MYO16: variants seen among roughly 807,000 people sequenced by gnomAD.
The protein encoded by MYO16 is unconventional myosin-XVI.
Under a neutral mutation model 205.3 loss-of-function variants are expected in MYO16, and 94 were observed. The ratio of observed to expected loss-of-function variants is 0.46; its 90% confidence interval spans 0.39 to 0.54. The LOEUF (loss-of-function observed/expected upper bound fraction) is 0.54. Among genes scored for constraint, MYO16 ranks in the 20% least tolerant of loss-of-function variants. MYO16 has a pLI of 0.00. For missense variants in MYO16, 2,315 were observed against 2,387.5 expected (o/e 0.97, Z 0.63); for synonymous variants, 988 against 954.0 (o/e 1.04, Z -0.66).
chr13:109,029,539 A>C (rs1168898671), intron 23 of MYO16, among the ~76,000 whole-genome samples: 2 of 152,158 alleles, frequency 1.3e-5, no homozygotes, highest in Admixed American at 6.6e-5. Flanking sequence ...AAAACAAAAA[A>C]CATGAACTAA....
intron 2 of MYO16, among the ~76,000 whole-genome samples, chr13:108,693,355 T>G (rs1298100406): frequency 6.6e-6 from 1 of 152,142 alleles, no homozygotes; most frequent in East Asian, 1.9e-4. Context: ...TAGCCCCAAG[T>G]AGAAATATTG....
At chr13:108,646,071 CACT>C (rs1880742768) in intron 1 of MYO16, among the ~76,000 whole-genome samples, 1 of 152,210 alleles carries the variant, frequency 6.6e-6, no homozygotes, top group African/African-American at 2.4e-5. Context: ...TCCTCTGGGG[CACT>C]ACATTTTTCC....
the MYO16 span, among the ~76,000 whole-genome samples, chr13:108,523,658 T>C: frequency 6.6e-6 from 1 of 152,304 alleles, no homozygotes; most frequent in Admixed American, 6.5e-5. Context: ...TTAAAGGGTC[T>C]CAGCTCTGGA....
At chr13:108,813,854 G>A (rs1166941424) in intron 7 of MYO16, among the ~76,000 whole-genome samples, 1 of 152,122 alleles carries the variant, frequency 6.6e-6, no homozygotes, top group South Asian at 2.1e-4. Context: ...TGTTTTGTGA[G>A]GTTAAAACAG....
rs540314295 is a variant in MYO16, at chr13:108,658,026, T to C, written c.29-7860T>C. On this transcript the variant is annotated intron_variant, in intron 1 of 34. Coordinates refer to ENST00000457511, the MANE Select transcript of MYO16 (RefSeq NM_001198950.3). ...TATTTGCATGTGTTTATACAAGAGATTGACCTGTAATCTCCTTTTTGGGAT... is the reference window on the plus strand; with the variant it reads ...TATTTGCATGTGTTTATACAAGAGACTGACCTGTAATCTCCTTTTTGGGAT... Among the ~76,000 whole-genome samples the C allele has an allele frequency of 8.5e-5, 13 of 152,326 alleles. No individual in the cohort carries two copies. The South Asian group carries it at 2.7e-3, about 32-fold the overall frequency.
chr13:108,531,286 C>A, the MYO16 span, among the ~76,000 whole-genome samples: 1 of 152,076 alleles, frequency 6.6e-6, no homozygotes. Context: ...ACACATAAGA[C>A]AATAAGAGCA....
At chr13:109,103,906 A>G (rs1327771080) in intron 28 of MYO16, among the ~76,000 whole-genome samples, 2 of 152,252 alleles carry the variant, frequency 1.3e-5, no homozygotes, top group Non-Finnish European at 2.9e-5. Flanking sequence ...TTAATAAAAA[A>G]TAATTCCTCT....
chr13:108,732,782 G>A (rs1403632087), intron 4 of MYO16, among the ~76,000 whole-genome samples: 1 of 152,214 alleles, frequency 6.6e-6, no homozygotes, highest in African/African-American at 2.4e-5. Context: ...GGAACATTTA[G>A]GTATCTATTG....
intron 7 of MYO16, among the ~76,000 whole-genome samples, chr13:108,808,568 C>T (rs1345786382): frequency 3.9e-5 from 6 of 152,042 alleles, no homozygotes; most frequent in African/African-American, 1.2e-4. Context: ...CTGCCTCACC[C>T]TCCCAAAGTG....
chr13:108,630,316 T>G (rs10492423), intron 1 of MYO16, among the ~76,000 whole-genome samples: 5,239 of 152,340 alleles, frequency 0.034, 132 homozygotes, highest in South Asian at 0.13. Context: ...CAATGCTTTT[T>G]GTAAGTGTGA....
intron 27 of MYO16, among the ~76,000 whole-genome samples, chr13:109,060,927 A>G (rs2139625216): frequency 6.6e-6 from 1 of 152,262 alleles, no homozygotes; most frequent in Non-Finnish European, 1.5e-5. Flanking sequence ...TACATAGAAA[A>G]TCTGTTGTTT....
chr13:109,038,009 G>A (rs1886768544), intron 23 of MYO16, among the ~76,000 whole-genome samples: 1 of 152,168 alleles, frequency 6.6e-6, no homozygotes, highest in Admixed American at 6.5e-5. Context: ...AAAGTAGGGA[G>A]TACAATGGGG....
chr13:109,107,682 A>G (rs988728435), intron 28 of MYO16, among the ~76,000 whole-genome samples: 17 of 151,958 alleles, frequency 1.1e-4, no homozygotes, highest in Non-Finnish European at 2.5e-4. Context: ...AATAGCCTAT[A>G]AAATGATTCT....
chr13:108,952,164 G>A (rs114450903), intron 16 of MYO16, among the ~76,000 whole-genome samples: 4,806 of 150,886 alleles, frequency 0.032, 256 homozygotes, highest in African/African-American at 0.11. Context: ...TAAATAAAAC[G>A]ATATATAGTT....
At chr13:108,611,972 CTTTTTTTTTTTTT>C (rs201871787) in intron 1 of MYO16, among the ~76,000 whole-genome samples, 160 of 89,774 alleles carry the variant, frequency 1.8e-3, no homozygotes, top group Admixed American at 6.0e-3. Context: ...TTTTTTTTTT[CTTTTTTTTTTTTT>C]TTTTTTTTGA....
chr13:108,569,532 G>A, the MYO16 span, among the ~76,000 whole-genome samples: 1 of 152,022 alleles, frequency 6.6e-6, no homozygotes, highest in Non-Finnish European at 1.5e-5. Context: ...TATTAGTTCT[G>A]ATAGATTTAT....
intron 32 of MYO16, among the ~76,000 whole-genome samples, chr13:109,148,774 G>A (rs914738731): frequency 6.6e-6 from 1 of 152,176 alleles, no homozygotes; most frequent in Admixed American, 6.6e-5. Context: ...GCAGCCAGAA[G>A]AAGAAAGAGG....
chr13:108,516,365 G>A, the MYO16 span, among the ~76,000 whole-genome samples: 233 of 151,878 alleles, frequency 1.5e-3, 2 homozygotes, highest in African/African-American at 5.5e-3. Context: ...ACTGGCCTGC[G>A]CCCACTGTCT....
chr13:108,701,996 T>C (rs962782889), intron 2 of MYO16, among the ~76,000 whole-genome samples: 8 of 150,950 alleles, frequency 5.3e-5, no homozygotes, highest in East Asian at 3.9e-4. Context: ...TCAATTAAGA[T>C]GATCCAGTCT....
Sources: allele counts gnomAD v4.1 joint callset (sites outside exome capture counted in the v4.1 genomes callset), GRCh38; gene constraint gnomAD v4.1.1; transcripts MANE v1.5; gene names NCBI Gene and HGNC (gene_info 2026-07-23, HGNC 2026-07-21).